XRN1: variants seen among roughly 807,000 people sequenced by gnomAD.
The protein encoded by XRN1 is 5'-3' exoribonuclease 1.
Under a neutral mutation model 222.3 loss-of-function variants are expected in XRN1, and 67 were observed. That is an observed-to-expected ratio of 0.30 (90% confidence interval 0.25 to 0.37). The LOEUF is 0.37. XRN1 is among the 10% of genes least tolerant of loss of function. The pLI, the probability that XRN1 is intolerant of heterozygous loss-of-function variation, is 1.00. For synonymous variants in XRN1, 643 were observed against 652.4 expected (o/e 0.99, Z 0.22); for missense variants, 1,707 against 2,000.2 (o/e 0.85, Z 2.80).
chr3:142,410,707 G>A (rs1206181809), intron 15 of XRN1, among the ~76,000 whole-genome samples: 1 of 151,848 alleles, frequency 6.6e-6, no homozygotes, highest in Non-Finnish European at 1.5e-5. Flanking sequence ...TGTTAGCCAG[G>A]ACAGTCTTGA....
intron 37 of XRN1, among the ~76,000 whole-genome samples, chr3:142,323,924 G>GTACA (rs2065436947): frequency 6.6e-6 from 1 of 151,596 alleles, no homozygotes; most frequent in Non-Finnish European, 1.5e-5. Flanking sequence ...CATTTATGGG[G>GTACA]TACATGTGAT....
At chr3:142,354,514 A>G (rs2066406800) in intron 32 of XRN1, among the ~76,000 whole-genome samples, 1 of 152,232 alleles carries the variant, frequency 6.6e-6, no homozygotes, top group Non-Finnish European at 1.5e-5. Flanking sequence ...TAGCAAAGAC[A>G]TGGACTCAAT....
At chr3:142,385,543 T>C (rs1172642808) in intron 20 of XRN1, among the ~76,000 whole-genome samples, 1 of 152,220 alleles carries the variant, frequency 6.6e-6, no homozygotes, top group Non-Finnish European at 1.5e-5. Flanking sequence ...AGTTATCCAT[T>C]TACTTCCTGT....
rs180863889 is a variant in XRN1, at chr3:142,332,491, G to A, written c.4106C>T (p.Ser1369Phe). The stretch of plus-strand genomic sequence containing the variant: ...TTCATTCTTATGGTCCACAGTGTTA[G>A]AGCCATCAATTTTTAGAATTTCTTT... ...MLKEILKIDGSNTVDHKNEIK... is the reference protein window; with the variant it reads ...MLKEILKIDGFNTVDHKNEIK... Residue 1369 changes from serine (S) to phenylalanine (F), a missense_variant, in exon 36 of 41, where the codon TCT (serine) becomes TTT (phenylalanine). By Grantham distance (155) the Ser-to-Phe change is radical (BLOSUM62 -2). Around this residue, in one of 2 missense-constraint regions of XRN1, gnomAD observed 473 missense variants for 482.0 expected, o/e 0.98. Coordinates refer to ENST00000392981, the MANE Select transcript of XRN1 (RefSeq NM_001282857.2). The A allele has an allele frequency of 1.9e-6, 3 of 1,611,612 alleles. No individual in the cohort carries two copies. Among genetic ancestry groups the A allele is most frequent in the Non-Finnish European group, 2.5e-6 (3 of 1,179,240 alleles).
rs751096341 is a variant in XRN1 at position 142,418,461 on chromosome 3, T to C, written c.1346+43A>G. The C allele has an allele frequency of 6.8e-6, 10 of 1,475,956 alleles. No individual in the cohort carries two copies. In the Middle Eastern group the frequency reaches 8.8e-4, roughly 130 times the overall value. 91.4% of individuals were successfully genotyped at this position (1,475,956 alleles called of 1,614,324 possible). ...ATATTTTCTGAATAACTGCAAAATC[T>C]AATTTTTTCTATTTTAAAATAAAAG... On this transcript the variant is annotated intron_variant, in intron 12 of 40. Coordinates refer to ENST00000392981, the MANE Select transcript of XRN1 (RefSeq NM_001282857.2).
chr3:142,404,851 G>T, intron 16 of XRN1, 56 bp downstream of exon 16: 1 of 1,560,136 alleles, frequency 6.4e-7, no homozygotes, highest in East Asian at 2.2e-5. Flanking sequence ...ACCACTTCTC[G>T]CACCCTTGTG....
At chr3:142,443,414 C>T (rs191597656) in intron 1 of XRN1, among the ~76,000 whole-genome samples, 1 of 151,862 alleles carries the variant, frequency 6.6e-6, no homozygotes, top group Admixed American at 6.6e-5. Context: ...CCTTTAAACA[C>T]GGGGCTTGCA....
intron 25 of XRN1, among the ~76,000 whole-genome samples, chr3:142,374,561 A>G (rs530680324): frequency 1.3e-5 from 2 of 152,322 alleles, no homozygotes; most frequent in South Asian, 4.2e-4. Flanking sequence ...TTAATAAAAA[A>G]TCTTCATAAA....
In XRN1 at chr3:142,311,736, C is replaced by A; in HGVS notation, c.4860G>T (p.Gln1620His). ...TGTTGGAAGAATCTGGCTGGCTAGTCTGAACTGGAGTGGCTTGAGAACTCT... is the reference window on the plus strand; with the variant it reads ...TGTTGGAAGAATCTGGCTGGCTAGTATGAACTGGAGTGGCTTGAGAACTCT... ...EAQSSQATPV[Q>H]TSQPDSSNIV... is the part of the protein sequence containing the mutation. The change falls in exon 41 of 41, where the codon CAG (glutamine) becomes CAT (histidine). Residue 1620 changes from glutamine to histidine, a missense_variant. Coordinates refer to ENST00000392981, the MANE Select transcript of XRN1 (RefSeq NM_001282857.2). The A allele has an allele frequency of 6.2e-7, 1 of 1,614,128 alleles. No homozygotes were observed. The highest frequency in any genetic ancestry group is 1.1e-5 in the South Asian group (1 of 91,076).
At chr3:142,352,579 G>A (rs1185752775) in intron 32 of XRN1, among the ~76,000 whole-genome samples, 1 of 151,894 alleles carries the variant, frequency 6.6e-6, no homozygotes, top group Admixed American at 6.6e-5. Flanking sequence ...CACCATTACT[G>A]CAGGACATTA....
rs1461360211 is a variant in XRN1, at chr3:142,306,925, CAGTT to C, written c.*4582_*4585del. On this transcript the variant is annotated 3_prime_UTR_variant, in exon 41 of 41. Transcript: ENST00000392981. ...CTGTATAAGATCTAATGAAAAATTCCAGTTACTTATAAAATAGTTGAGAAATCAA... is the reference window on the plus strand; with the variant it reads ...CTGTATAAGATCTAATGAAAAATTCCACTTATAAAATAGTTGAGAAATCAA... 2 of 152,352 alleles carry C rather than the reference CAGTT, an allele frequency of 1.3e-5. No individual in the cohort carries two copies. Among genetic ancestry groups the C allele is most frequent in the African/African-American group, 4.8e-5 (2 of 41,336 alleles). 9.4% of individuals were successfully genotyped at this position (152,352 alleles called of 1,614,324 possible). A position where few individuals can be genotyped will look rare whatever the true frequency, so the allele number is the denominator to read the frequency against.
intron 10 of XRN1, among the ~76,000 whole-genome samples, chr3:142,419,592 C>T (rs773971647): frequency 1.3e-5 from 2 of 152,050 alleles, no homozygotes; most frequent in African/African-American, 2.4e-5. Flanking sequence ...GGGCAGATCA[C>T]GAGGTCAGGA....
intron 30 of XRN1, among the ~76,000 whole-genome samples, chr3:142,357,701 TACAGGCATGAGCC>T (rs1414382547): frequency 6.6e-6 from 1 of 151,816 alleles, no homozygotes; most frequent in Non-Finnish European, 1.5e-5. Context: ...GTGTTGGGAT[TACAGGCATGAGCC>T]ACCATGCCTG....
At chr3:142,388,079 A>T (rs2067575864) in intron 20 of XRN1, among the ~76,000 whole-genome samples, 1 of 152,184 alleles carries the variant, frequency 6.6e-6, no homozygotes, top group Non-Finnish European at 1.5e-5. Context: ...CTGGGCTAAG[A>T]CAATACTTTC....
In XRN1 at chr3:142,438,806, T is replaced by C. The variant is rs533932549; in HGVS notation, c.76-5913A>G. 9.2e-5 allele frequency among the ~76,000 whole-genome samples: 14 copies of C among 152,254 alleles called. No homozygotes were observed. The East Asian group carries it at 2.3e-3, about 25-fold the overall frequency. ...GGAGGGCAAATGGAGTGAAGTGCCA[T>C]ATGTGCAAACTTTCTTTTCATTAAG... On this transcript the variant is annotated intron_variant, in intron 1 of 40. Transcript: ENST00000392981.
At chr3:142,379,814 G>C (rs1272670797) in intron 23 of XRN1, among the ~76,000 whole-genome samples, 1 of 152,084 alleles carries the variant, frequency 6.6e-6, no homozygotes, top group Non-Finnish European at 1.5e-5. Flanking sequence ...GCTAATCAAT[G>C]TGCCTCTTAT....
rs774962343 is a variant in XRN1 at position 142,418,907 on chromosome 3, T to C, written c.1174-26A>G. 4 of 1,600,644 alleles carry C rather than the reference T, an allele frequency of 2.5e-6. No homozygotes were observed. In the East Asian group the frequency reaches 6.7e-5, roughly 27 times the overall value. On this transcript the variant is annotated intron_variant, in intron 10 of 40. Transcript: ENST00000392981. Reference sequence around the variant, plus strand: ...CTGTAAATTGTAAATCAACATAAAATGAATGGCAAGATACATTTCAAAATG... The same window carrying C: ...CTGTAAATTGTAAATCAACATAAAACGAATGGCAAGATACATTTCAAAATG...
chr3:142,417,210 C>A lies in XRN1; in HGVS notation c.1366G>T (p.Ala456Ser). Residue 456 changes from alanine to serine, a missense_variant, in exon 13 of 41, where the codon GCT becomes TCT. Transcript: ENST00000392981. ...VVSDDFLADQ[A>S]ACYVQAIQWI... The stretch of plus-strand genomic sequence containing the variant: ...TGTATTGCCTGAACATAACATGCAG[C>A]TTGATCAGCCAGAAAGTCACTGAAA... The A allele has an allele frequency of 6.2e-7, 1 of 1,613,528 alleles. No homozygotes were observed. Among genetic ancestry groups the A allele is most frequent in the Non-Finnish European group, 8.5e-7 (1 of 1,179,770 alleles).
chr3:142,425,380 G>C, intron 4 of XRN1, 48 bp from the exon 5 acceptor site: 1 of 1,580,110 alleles, frequency 6.3e-7, no homozygotes, highest in East Asian at 2.3e-5. Context: ...ATATGCTTGA[G>C]AATATTAAAT....
Sources: gnomAD v4.1 joint callset for allele counts (sites outside exome capture counted in the v4.1 genomes callset) on GRCh38, gnomAD v4.1.1 for gene constraint, gnomAD v4.1.1 regional missense constraint, MANE v1.5 for transcripts, NCBI Gene and HGNC (gene_info 2026-07-23, HGNC 2026-07-21) for gene names.